PCDH9: variants seen among roughly 807,000 people sequenced by gnomAD.
PCDH9 encodes protocadherin 9.
PCDH9 carries 24 observed loss-of-function variants against 70.6 expected under a neutral mutation model. The observed-to-expected ratio is 0.34, with a 90% CI of 0.25 to 0.48. The LOEUF (loss-of-function observed/expected upper bound fraction) is 0.48. Among genes scored for constraint, PCDH9 ranks in the 20% least tolerant of loss-of-function variants. The pLI, the probability that PCDH9 is intolerant of heterozygous loss-of-function variation, is 0.99. For missense variants in PCDH9, 1,281 were observed against 1,503.6 expected (o/e 0.85, Z 2.45); for synonymous variants, 562 against 558.5 (o/e 1.01, Z -0.09).
intron 2 of PCDH9, among the ~76,000 whole-genome samples, chr13:66,978,756 T>C (rs926218754): frequency 4.7e-5 from 7 of 149,752 alleles, no homozygotes; most frequent in Admixed American, 2.0e-4. Context: ...TAACTGTATA[T>C]AAATGTATAT....
At chr13:67,050,226 T>C (rs1035558960) in intron 2 of PCDH9, among the ~76,000 whole-genome samples, 4 of 152,232 alleles carry the variant, frequency 2.6e-5, no homozygotes, top group African/African-American at 9.6e-5. Context: ...GCATTTATTA[T>C]GAAGGGTTCC....
At chr13:67,042,496 T>TA (rs982630970) in intron 2 of PCDH9, among the ~76,000 whole-genome samples, 17 of 151,774 alleles carry the variant, frequency 1.1e-4, no homozygotes, top group East Asian at 3.9e-4. Context: ...AGTATCTAAT[T>TA]AAAAAAAACA....
intron 2 of PCDH9, among the ~76,000 whole-genome samples, chr13:66,990,475 T>A (rs1200762373): frequency 6.6e-6 from 1 of 151,170 alleles, no homozygotes; most frequent in African/African-American, 2.4e-5. Context: ...GCTTAATATA[T>A]CATATTCTTT....
Position 66,357,151 on chromosome 13 carries a change from G to A in PCDH9, c.3341-52123C>T, listed in dbSNP as rs114489502. On this transcript the variant is annotated intron_variant, in intron 4 of 4. Transcript: ENST00000377865. Reference sequence around the variant, plus strand: ...TCAGGATCTCAAAGGAATTAAGAGAGAGAAATAAACTCAGAAGTCCTACCC... The same window carrying A: ...TCAGGATCTCAAAGGAATTAAGAGAAAGAAATAAACTCAGAAGTCCTACCC... Among the ~76,000 whole-genome samples, 429 of 152,138 alleles carry A rather than the reference G, an allele frequency of 2.8e-3. 2 individuals carry two copies. Among genetic ancestry groups the A allele is most frequent in the African/African-American group, 0.01 (417 of 41,542 alleles).
At chr13:66,657,873 G>A (rs890840918) in intron 3 of PCDH9, among the ~76,000 whole-genome samples, 18 of 152,146 alleles carry the variant, frequency 1.2e-4, no homozygotes, top group South Asian at 2.1e-4. Context: ...CAGTCCAATC[G>A]GCCCTCTGTG....
At chr13:66,762,134 A>T (rs1172899554) in intron 3 of PCDH9, among the ~76,000 whole-genome samples, 1 of 151,940 alleles carries the variant, frequency 6.6e-6, no homozygotes, top group African/African-American at 2.4e-5. Flanking sequence ...TTCCCTCAGA[A>T]CCACCATGGT....
intron 3 of PCDH9, among the ~76,000 whole-genome samples, chr13:66,674,690 G>A (rs1426055948): frequency 6.6e-6 from 1 of 152,052 alleles, no homozygotes; most frequent in Non-Finnish European, 1.5e-5. Flanking sequence ...TATGGCAATT[G>A]TTGATATTTA....
intron 3 of PCDH9, among the ~76,000 whole-genome samples, chr13:66,830,231 A>G (rs2139405001): frequency 6.6e-6 from 1 of 152,280 alleles, no homozygotes; most frequent in South Asian, 2.1e-4. Flanking sequence ...AGTGAAATGA[A>G]CACTAGCTGA....
intron 4 of PCDH9, among the ~76,000 whole-genome samples, chr13:66,411,060 C>T (rs1409744514): frequency 6.6e-6 from 1 of 152,152 alleles, no homozygotes; most frequent in African/African-American, 2.4e-5. Context: ...TATTTCACTT[C>T]ATATTACCTT....
intron 2 of PCDH9, among the ~76,000 whole-genome samples, chr13:67,070,474 A>C (rs983345889): frequency 7.9e-5 from 12 of 152,284 alleles, no homozygotes; most frequent in African/African-American, 2.9e-4. Flanking sequence ...GTTAGCATGA[A>C]AGTAGCCTTT....
chr13:66,699,756 C>G (rs2078612842), intron 3 of PCDH9, among the ~76,000 whole-genome samples: 1 of 152,156 alleles, frequency 6.6e-6, no homozygotes, highest in African/African-American at 2.4e-5. Context: ...GTAAGATACT[C>G]AGTTGGTGGT....
chr13:66,420,687 C>A (rs1957551110), intron 4 of PCDH9, among the ~76,000 whole-genome samples: 1 of 152,152 alleles, frequency 6.6e-6, no homozygotes, highest in Non-Finnish European at 1.5e-5. Context: ...AGGTCACCAA[C>A]AGCAAAGACC....
intron 2 of PCDH9, among the ~76,000 whole-genome samples, chr13:67,009,210 C>A (rs1770276980): frequency 6.6e-6 from 1 of 151,978 alleles, no homozygotes; most frequent in African/African-American, 2.4e-5. Flanking sequence ...CTAGAATTTG[C>A]CTTCCCAACA....
intron 4 of PCDH9, among the ~76,000 whole-genome samples, chr13:66,548,703 A>G (rs541964870): frequency 6.6e-6 from 1 of 152,260 alleles, no homozygotes; most frequent in African/African-American, 2.4e-5. Context: ...CCTACATTTG[A>G]GCAAAATAGA....
chr13:66,538,808 G>T (rs1359418824), intron 4 of PCDH9, among the ~76,000 whole-genome samples: 2 of 152,188 alleles, frequency 1.3e-5, no homozygotes, highest in East Asian at 3.9e-4. Flanking sequence ...ATAAGATGAA[G>T]ACCATTACAG....
chr13:66,653,741 G>A (rs1453168832), intron 3 of PCDH9, among the ~76,000 whole-genome samples: 1 of 152,028 alleles, frequency 6.6e-6, no homozygotes, highest in African/African-American at 2.4e-5. Flanking sequence ...GCCGAGGTTG[G>A]CGGATCATGA....
chr13:66,960,083 T>C (rs1354147987), intron 2 of PCDH9, among the ~76,000 whole-genome samples: 1 of 152,168 alleles, frequency 6.6e-6, no homozygotes, highest in East Asian at 1.9e-4. Context: ...TGTTTGCAAA[T>C]TGACTGACAT....
At chr13:67,107,831 G>A (rs1354363781) in intron 2 of PCDH9, among the ~76,000 whole-genome samples, 2 of 152,144 alleles carry the variant, frequency 1.3e-5, no homozygotes, top group South Asian at 2.1e-4. Context: ...ACAGCCCTTC[G>A]AGGAGCCTAG....
At chr13:66,999,232 A>G (rs1339467208) in intron 2 of PCDH9, among the ~76,000 whole-genome samples, 2 of 152,224 alleles carry the variant, frequency 1.3e-5, no homozygotes. Context: ...AATTCAATTA[A>G]TACAGCCTGA....
Sources: allele counts gnomAD v4.1 joint callset (sites outside exome capture counted in the v4.1 genomes callset), GRCh38; gene constraint gnomAD v4.1.1; transcripts MANE v1.5; gene names NCBI Gene and HGNC (gene_info 2026-07-23, HGNC 2026-07-21).